Variants in ZNF578 observed in about 807,000 individuals in gnomAD.
The protein encoded by ZNF578 is zinc finger protein 578.
A neutral mutation model predicts 8.3 loss-of-function variants in ZNF578; 8 were observed. The ratio of observed to expected loss-of-function variants is 0.96; its 90% confidence interval spans 0.56 to 1.74. The LOEUF is 1.74. Among genes scored for constraint, ZNF578 ranks in the 40% most tolerant of loss-of-function variants. The pLI is 0.00. For synonymous variants in ZNF578, 206 were observed against 232.2 expected, an observed-to-expected ratio of 0.89 and a Z score of 1.03; for missense variants, 726 against 707.5, an observed-to-expected ratio of 1.03 and a Z score of -0.30.
At chr19:52,469,762 T>A (rs887701868) in intron 2 of ZNF578, among the ~76,000 whole-genome samples, 1 of 152,140 alleles carries the variant, frequency 6.6e-6, no homozygotes, top group Non-Finnish European at 1.5e-5. Context: ...TAAAAAATGA[T>A]GAAAGAAATG....
At chr19:52,499,362 C>T (rs1308624172) in intron 3 of ZNF578, among the ~76,000 whole-genome samples, 10 of 152,180 alleles carry the variant, frequency 6.6e-5, no homozygotes, top group South Asian at 2.1e-4. Context: ...CCCACCTACA[C>T]GACTCCATGT....
chr19:52,477,250 C>T (rs1388163849), intron 2 of ZNF578, among the ~76,000 whole-genome samples: 12 of 152,152 alleles, frequency 7.9e-5, no homozygotes, highest in Non-Finnish European at 1.8e-4. Flanking sequence ...GCAGGGAGAT[C>T]TTATCCTGGA....
At chr19:52,480,619 C>T (rs953670645) in intron 2 of ZNF578, among the ~76,000 whole-genome samples, 7 of 151,624 alleles carry the variant, frequency 4.6e-5, no homozygotes, top group Admixed American at 3.3e-4. Flanking sequence ...AATTTTTGGC[C>T]GGGCACAGTG....
intron 5 of ZNF578, among the ~76,000 whole-genome samples, chr19:52,508,435 C>G (rs968574453): frequency 6.6e-6 from 1 of 152,026 alleles, no homozygotes; most frequent in African/African-American, 2.4e-5. Context: ...AATTAGTCAA[C>G]ACCCATGACC....
At chr19:52,468,159 T>C (rs561830518) in intron 2 of ZNF578, among the ~76,000 whole-genome samples, 19 of 152,244 alleles carry the variant, frequency 1.2e-4, no homozygotes, top group Admixed American at 2.0e-4. Context: ...AATAATTTTA[T>C]TACAATTAAA....
chr19:52,496,134 T>G (rs1248625132), intron 3 of ZNF578, among the ~76,000 whole-genome samples: 1 of 150,778 alleles, frequency 6.6e-6, no homozygotes, highest in African/African-American at 2.4e-5. Context: ...ATTCTCTGCC[T>G]CAGCCTCCCG....
chr19:52,454,404 A>G (rs942630368), intron 1 of ZNF578: 6 of 152,194 alleles, frequency 3.9e-5, no homozygotes, highest in African/African-American at 1.4e-4. Context: ...CACAGATTAA[A>G]GGCTCAGTCC....
chr19:52,502,780 A>G (rs1244617604), intron 4 of ZNF578, among the ~76,000 whole-genome samples: 3 of 152,016 alleles, frequency 2.0e-5, no homozygotes, highest in African/African-American at 4.8e-5. Flanking sequence ...TCTGTGGCTT[A>G]GTTCTGGAGT....
At chr19:52,495,012 CT>C in intron 3 of ZNF578, among the ~76,000 whole-genome samples, 1 of 147,408 alleles carries the variant, frequency 6.8e-6, no homozygotes, top group East Asian at 2.0e-4. Context: ...TTTTTTTTTT[CT>C]TTGTTTGTTT....
intron 5 of ZNF578, among the ~76,000 whole-genome samples, chr19:52,505,425 T>G (rs1033248896): frequency 2.0e-5 from 3 of 151,826 alleles, no homozygotes; most frequent in Non-Finnish European, 4.4e-5. Context: ...TGTTTGTTTG[T>G]TTTTTGTTTT....
At chr19:52,485,395 T>C (rs1214273324) in intron 2 of ZNF578, among the ~76,000 whole-genome samples, 1 of 152,168 alleles carries the variant, frequency 6.6e-6, no homozygotes, top group East Asian at 1.9e-4. Flanking sequence ...CTTATTCTGA[T>C]GGGATGGAAC....
At chr19:52,507,078 C>G (rs1311773644) in intron 5 of ZNF578, among the ~76,000 whole-genome samples, 1 of 152,008 alleles carries the variant, frequency 6.6e-6, no homozygotes, top group South Asian at 2.1e-4. Context: ...CATAATGAAA[C>G]CTTGAATCTA....
At position 52,513,207 on chromosome 19, in the gene ZNF578, G is replaced by A. The variant is rs202119957; in HGVS notation, c.*1053G>A. On this transcript the variant is annotated 3_prime_UTR_variant, in exon 6 of 6. Transcript: ENST00000421239. ...GGCTAATTTTTTGTATTTTTAGTAG[G>A]GAAAGGGTTTCTCCATGTTGGTCAG... Among the ~76,000 whole-genome samples, 4 of 151,516 alleles carry A rather than the reference G, an allele frequency of 2.6e-5. No individual in the cohort carries two copies. Among genetic ancestry groups the A allele is most frequent in the East Asian group, 1.9e-4 (1 of 5,164 alleles).
intron 2 of ZNF578, among the ~76,000 whole-genome samples, chr19:52,462,878 A>G (rs1353050586): frequency 2.0e-5 from 3 of 152,196 alleles, no homozygotes; most frequent in Non-Finnish European, 2.9e-5. Flanking sequence ...TCCCCATGTT[A>G]TAACTCTCCC....
At chr19:52,464,329 C>G (rs1427995270) in intron 2 of ZNF578, among the ~76,000 whole-genome samples, 2 of 152,126 alleles carry the variant, frequency 1.3e-5, no homozygotes, top group African/African-American at 2.4e-5. Flanking sequence ...TGTTAGTCCT[C>G]TTTTACTGTG....
At chr19:52,468,773 T>C (rs549184658) in intron 2 of ZNF578, among the ~76,000 whole-genome samples, 12 of 152,286 alleles carry the variant, frequency 7.9e-5, no homozygotes, top group Non-Finnish European at 1.6e-4. Context: ...GGGATAACCT[T>C]GCTTGCTGAG....
At chr19:52,508,069 G>A (rs891286131) in intron 5 of ZNF578, among the ~76,000 whole-genome samples, 1 of 151,802 alleles carries the variant, frequency 6.6e-6, no homozygotes, top group Non-Finnish European at 1.5e-5. Context: ...TAAAGAGGCG[G>A]GGCACGGTGG....
intron 2 of ZNF578, among the ~76,000 whole-genome samples, chr19:52,479,726 T>C (rs1265906941): frequency 6.6e-6 from 1 of 152,096 alleles, no homozygotes; most frequent in Non-Finnish European, 1.5e-5. Flanking sequence ...AAGGGTTAGT[T>C]GGAATTCTAA....
intron 4 of ZNF578, among the ~76,000 whole-genome samples, chr19:52,502,371 T>A (rs2059410968): frequency 6.6e-6 from 1 of 152,230 alleles, no homozygotes; most frequent in Admixed American, 6.5e-5. Flanking sequence ...GTATCTCATT[T>A]GGTAATGCAT....
Sources: allele counts gnomAD v4.1 joint callset (sites outside exome capture counted in the v4.1 genomes callset), GRCh38; gene constraint gnomAD v4.1.1; transcripts MANE v1.5; gene names NCBI Gene and HGNC (gene_info 2026-07-23, HGNC 2026-07-21).